CCSER1: variants seen among roughly 807,000 people sequenced by gnomAD.
The protein encoded by CCSER1 is serine-rich coiled-coil domain-containing protein 1.
A neutral mutation model predicts 82.0 loss-of-function variants in CCSER1; 41 were observed. That is an observed-to-expected ratio of 0.50 (90% confidence interval 0.39 to 0.65). CCSER1 has a LOEUF of 0.65. Among genes scored for constraint, CCSER1 ranks in the 30% least tolerant of loss-of-function variants. CCSER1 has a pLI of 0.00. For synonymous variants in CCSER1, 414 were observed against 383.9 expected (o/e 1.08, Z -0.92); for missense variants, 1,119 against 1,064.2 (o/e 1.05, Z -0.72).
intron 10 of CCSER1, among the ~76,000 whole-genome samples, chr4:91,392,674 G>C (rs971869208): frequency 1.3e-5 from 2 of 151,948 alleles, no homozygotes; most frequent in Middle Eastern, 3.2e-3. Flanking sequence ...CACATTTTTT[G>C]AATAGTAGTT....
intron 10 of CCSER1, among the ~76,000 whole-genome samples, chr4:91,275,443 C>T (rs916387258): frequency 1.3e-5 from 2 of 152,096 alleles, no homozygotes; most frequent in African/African-American, 2.4e-5. Context: ...ATTTTTTCAA[C>T]TACCTGTTGG....
chr4:90,553,557 G>T (rs575603018), intron 5 of CCSER1, among the ~76,000 whole-genome samples: 28 of 152,058 alleles, frequency 1.8e-4, no homozygotes, highest in Non-Finnish European at 4.0e-4. Flanking sequence ...AGGTGATCAC[G>T]CCTGTGTCTT....
In CCSER1 at chr4:90,305,698, T is replaced by C. The variant is rs528152364; in HGVS notation, c.-41-2546T>C. 4.0e-4 allele frequency among the ~76,000 whole-genome samples: 61 copies of C among 152,324 alleles called. 1 individual carries two copies. Among genetic ancestry groups the C allele is most frequent in the Non-Finnish European group, 6.9e-4 (47 of 68,024 alleles). ...AGTTTGATTTAAATTCAAATTCATA[T>C]GGAGAAAAGGGAACTCTTGCACACT... On this transcript the variant is annotated intron_variant, in intron 1 of 10. Transcript: ENST00000509176.
At chr4:91,499,478 T>C (rs1221857485) in intron 10 of CCSER1, among the ~76,000 whole-genome samples, 2 of 152,012 alleles carry the variant, frequency 1.3e-5, no homozygotes, top group East Asian at 3.9e-4. Flanking sequence ...CTCTGATACA[T>C]CATCATTATC....
intron 10 of CCSER1, among the ~76,000 whole-genome samples, chr4:91,337,275 C>T (rs2149283311): frequency 6.6e-6 from 1 of 152,196 alleles, no homozygotes; most frequent in Admixed American, 6.5e-5. Flanking sequence ...CATGAACATC[C>T]ACCATAATTT....
chr4:90,538,345 A>G (rs1342604993), intron 5 of CCSER1, among the ~76,000 whole-genome samples: 1 of 152,134 alleles, frequency 6.6e-6, no homozygotes, highest in East Asian at 1.9e-4. Context: ...AATTTAATTT[A>G]CATAGTATTT....
At chr4:90,739,024 C>T (rs561012789) in intron 7 of CCSER1, among the ~76,000 whole-genome samples, 2 of 152,312 alleles carry the variant, frequency 1.3e-5, no homozygotes, top group South Asian at 2.1e-4. Flanking sequence ...CTCTCTTCTT[C>T]TAAGCAGGAG....
chr4:90,591,010 T>G (rs757913231), intron 5 of CCSER1, among the ~76,000 whole-genome samples: 9 of 152,184 alleles, frequency 5.9e-5, no homozygotes, highest in Non-Finnish European at 1.0e-4. Flanking sequence ...AAGAGGTCCT[T>G]CACGTCCCTT....
chr4:90,621,457 G>A (rs906676415), intron 5 of CCSER1, among the ~76,000 whole-genome samples: 6 of 148,678 alleles, frequency 4.0e-5, no homozygotes, highest in Non-Finnish European at 8.9e-5. Context: ...TGGTTTCCAA[G>A]TTTCTGGGTT....
chr4:91,466,446 G>A (rs1213616487), intron 10 of CCSER1, among the ~76,000 whole-genome samples: 1 of 152,148 alleles, frequency 6.6e-6, no homozygotes, highest in Non-Finnish European at 1.5e-5. Context: ...ACTGGCACAA[G>A]ACAGGGATGC....
chr4:90,941,838 A>G (rs1731621484), intron 9 of CCSER1, among the ~76,000 whole-genome samples: 1 of 152,158 alleles, frequency 6.6e-6, no homozygotes, highest in Non-Finnish European at 1.5e-5. Flanking sequence ...CAATGAATAG[A>G]TCGATGTATA....
At chr4:90,605,510 T>G (rs1414057596) in intron 5 of CCSER1, among the ~76,000 whole-genome samples, 1 of 152,210 alleles carries the variant, frequency 6.6e-6, no homozygotes, top group Non-Finnish European at 1.5e-5. Context: ...ACTAGAATAT[T>G]ATATGCATGT....
intron 4 of CCSER1, among the ~76,000 whole-genome samples, chr4:90,436,969 C>T (rs916589589): frequency 1.1e-4 from 16 of 151,784 alleles, no homozygotes; most frequent in Non-Finnish European, 1.8e-4. Context: ...TGCTGGCACC[C>T]GCCACCACGC....
chr4:90,665,934 C>A (rs892583980), intron 6 of CCSER1, among the ~76,000 whole-genome samples: 3 of 152,094 alleles, frequency 2.0e-5, no homozygotes, highest in Admixed American at 6.5e-5. Context: ...TGTTTCCATG[C>A]TCATTCAGGT....
chr4:91,402,016 A>G (rs1415825047), intron 10 of CCSER1, among the ~76,000 whole-genome samples: 1 of 152,194 alleles, frequency 6.6e-6, no homozygotes, highest in African/African-American at 2.4e-5. Flanking sequence ...AGTCCCACCA[A>G]CAGTGTAAAA....
chr4:90,839,498 A>T (rs1762290339), intron 8 of CCSER1, among the ~76,000 whole-genome samples: 1 of 152,208 alleles, frequency 6.6e-6, no homozygotes, highest in Non-Finnish European at 1.5e-5. Context: ...CTACAGCTTC[A>T]TTGTTGCATC....
intron 8 of CCSER1, among the ~76,000 whole-genome samples, chr4:90,872,884 A>G (rs139568868): frequency 6.6e-6 from 1 of 151,866 alleles, no homozygotes; most frequent in Non-Finnish European, 1.5e-5. Flanking sequence ...ATTTTCTTTA[A>G]ATATATCATG....
intron 10 of CCSER1, among the ~76,000 whole-genome samples, chr4:91,449,101 G>A (rs1755734704): frequency 6.6e-6 from 1 of 151,932 alleles, no homozygotes; most frequent in Non-Finnish European, 1.5e-5. Flanking sequence ...AAAGAGAAAA[G>A]CAAATACAAA....
At chr4:90,962,872 A>C (rs1490928595) in intron 9 of CCSER1, among the ~76,000 whole-genome samples, 5 of 152,236 alleles carry the variant, frequency 3.3e-5, no homozygotes, top group Non-Finnish European at 5.9e-5. Context: ...ATAATGAAAA[A>C]TTCTACTAGT....
Sources: gnomAD v4.1 joint callset for allele counts (sites outside exome capture counted in the v4.1 genomes callset) on GRCh38, gnomAD v4.1.1 for gene constraint, MANE v1.5 for transcripts, NCBI Gene and HGNC (gene_info 2026-07-23, HGNC 2026-07-21) for gene names.